Variants in SFMBT2 observed in about 807,000 individuals in gnomAD.
SFMBT2 encodes the protein Scm like with four mbt domains 2.
In SFMBT2, 38 loss-of-function variants were observed where a neutral mutation model predicts 110.1. That is an observed-to-expected ratio of 0.35 (90% CI 0.27 to 0.45). The LOEUF (loss-of-function observed/expected upper bound fraction) is 0.45, where lower values mean the gene tolerates loss of function less well. Among genes scored for constraint, SFMBT2 ranks in the 20% least tolerant of loss-of-function variants. The pLI is 1.00. For missense variants in SFMBT2, 1,011 were observed against 1,094.9 expected, an observed-to-expected ratio of 0.92 and a Z score of 1.08; for synonymous variants, 425 against 425.4, an observed-to-expected ratio of 1.00 and a Z score of 0.01.
rs1846271292 is a variant in SFMBT2 at position 7,408,190 on chromosome 10, C to G, written c.-52+2671G>C. ...CTTCGCAGCACAGAGCCATTTTAGG[C>G]TGCTCCCCACCTCGCGGGGCCCATG... On this transcript the variant is annotated intron_variant, in intron 1 of 20. Coordinates refer to ENST00000397167, the MANE Select transcript of SFMBT2 (RefSeq NM_001387889.1). The surrounding 1 kb of genome is among the most constrained non-coding windows in gnomAD (Gnocchi z 5.7). 1.3e-5 allele frequency among the ~76,000 whole-genome samples: 2 copies of G among 152,370 alleles called. No homozygotes were observed. The highest frequency in any genetic ancestry group is 4.1e-4 in the South Asian group (2 of 4,832).
rs1293429643 is a variant in SFMBT2, at chr10:7,158,754, T to C, written c.*5016A>G. Reference sequence around the variant, plus strand: ...TTTCATTTATTTACATGAAAACATATATACAGAATACAATCTTACAGCAAA... The same window carrying C: ...TTTCATTTATTTACATGAAAACATACATACAGAATACAATCTTACAGCAAA... On this transcript the variant is annotated 3_prime_UTR_variant, in exon 21 of 21. Transcript: ENST00000397167. 6.6e-6 allele frequency: 1 copy of C among 152,162 alleles called. No homozygotes were observed. The highest frequency in any genetic ancestry group is 2.4e-5 in the African/African-American group (1 of 41,438). The allele number at this position is 152,162 out of a possible 1,614,324, so 9.4% of individuals were successfully genotyped here. A position where few individuals can be genotyped will look rare whatever the true frequency, so the allele number is the denominator to read the frequency against.
chr10:7,371,154 T>G (rs1444279484), intron 2 of SFMBT2, among the ~76,000 whole-genome samples: 1 of 152,184 alleles, frequency 6.6e-6, no homozygotes, highest in Non-Finnish European at 1.5e-5. Context: ...GACAGAGTCT[T>G]GCTCTGTCAC....
At chr10:7,351,935 G>C (rs113318121) in intron 4 of SFMBT2, among the ~76,000 whole-genome samples, 16 of 152,134 alleles carry the variant, frequency 1.1e-4, no homozygotes, top group African/African-American at 3.9e-4. Flanking sequence ...AGGTTACAGA[G>C]AGCGTTTGCC....
rs1286303085 is a variant in SFMBT2, at chr10:7,262,023, C to T, written c.871-13374G>A. ...GGTGACAGCGCTGAAGGGCAAGGCCCGGTGGCATGGCCACACCACTGGGCT... is the reference window on the plus strand; with the variant it reads ...GGTGACAGCGCTGAAGGGCAAGGCCTGGTGGCATGGCCACACCACTGGGCT... On this transcript the variant is annotated intron_variant, in intron 7 of 20. Coordinates refer to ENST00000397167, the MANE Select transcript of SFMBT2 (RefSeq NM_001387889.1). 3.9e-5 allele frequency among the ~76,000 whole-genome samples: 6 copies of T among 152,344 alleles called. No homozygotes were observed. The East Asian group carries it at 7.7e-4, about 20-fold the overall frequency.
chr10:7,344,360 G>C (rs1357573147), intron 4 of SFMBT2, among the ~76,000 whole-genome samples: 3 of 152,030 alleles, frequency 2.0e-5, no homozygotes, highest in African/African-American at 2.4e-5. Flanking sequence ...TCCTCATACT[G>C]GTATCCTGAT....
intron 4 of SFMBT2, among the ~76,000 whole-genome samples, chr10:7,360,084 G>A (rs918476291): frequency 6.6e-6 from 1 of 152,202 alleles, no homozygotes; most frequent in Non-Finnish European, 1.5e-5. Context: ...ACCACAGGAG[G>A]TGCACACAAA....
chr10:7,189,083 G>T, intron 15 of SFMBT2: 1 of 844,278 alleles, frequency 1.2e-6, no homozygotes, highest in Non-Finnish European at 1.4e-6. Flanking sequence ...TCTTCAGTTG[G>T]ATAGGCTACT....
chr10:7,175,963 AT>A (rs1412902777), intron 17 of SFMBT2, 26 bp downstream of exon 17: 15 of 1,597,166 alleles, frequency 9.4e-6, no homozygotes, highest in Non-Finnish European at 1.3e-5. Context: ...GGGCTCATGC[AT>A]TTCTTTTTTC....
intron 4 of SFMBT2, among the ~76,000 whole-genome samples, chr10:7,288,479 A>C (rs1842167260): frequency 6.6e-6 from 1 of 152,244 alleles, no homozygotes; most frequent in African/African-American, 2.4e-5. Context: ...GAGGCTGAGC[A>C]TAAAACTGTG....
intron 9 of SFMBT2, among the ~76,000 whole-genome samples, chr10:7,236,962 GT>G (rs1840276863): frequency 6.6e-6 from 1 of 152,176 alleles, no homozygotes; most frequent in African/African-American, 2.4e-5. Context: ...GCCAGTAAGG[GT>G]AGGATGCAGT....
intron 4 of SFMBT2, among the ~76,000 whole-genome samples, chr10:7,362,098 T>A (rs535941700): frequency 6.6e-6 from 1 of 152,324 alleles, no homozygotes; most frequent in East Asian, 1.9e-4. Flanking sequence ...ACGTTTTACA[T>A]TTTGCTCCAC....
chr10:7,326,592 T>A (rs1244186523), intron 4 of SFMBT2, among the ~76,000 whole-genome samples: 1 of 152,252 alleles, frequency 6.6e-6, no homozygotes, highest in Non-Finnish European at 1.5e-5. Flanking sequence ...AGATTATCAG[T>A]AATACAAATA....
intron 9 of SFMBT2, among the ~76,000 whole-genome samples, chr10:7,229,330 C>T (rs371370618): frequency 3.3e-5 from 5 of 152,164 alleles, no homozygotes; most frequent in African/African-American, 1.2e-4. Flanking sequence ...CCTGTAATCC[C>T]AGCACTTTGG....
In SFMBT2 at chr10:7,317,641, CAA is replaced by C. The variant is rs56181512; in HGVS notation, c.437-31689_437-31688del. Among the ~76,000 whole-genome samples, 16 of 92,836 alleles carry C rather than the reference CAA, an allele frequency of 1.7e-4. 1 individual carries two copies. Among genetic ancestry groups the C allele is most frequent in the South Asian group, 1.2e-3 (3 of 2,528 alleles). 60.9% of individuals were successfully genotyped at this position (92,836 alleles called of 152,430 possible). A position where few individuals can be genotyped will look rare whatever the true frequency, so the allele number is the denominator to read the frequency against. Reference sequence around the variant, plus strand: ...GGGCAACAAGAACAAAACTCCGTCTCAAAAAAAAAAAAAAAAAGTACACATCA... The same window carrying C: ...GGGCAACAAGAACAAAACTCCGTCTCAAAAAAAAAAAAAAAGTACACATCA... On this transcript the variant is annotated intron_variant, in intron 4 of 20. Transcript: ENST00000397167.
At chr10:7,175,207 G>A (rs980858014) in intron 17 of SFMBT2, among the ~76,000 whole-genome samples, 8 of 152,210 alleles carry the variant, frequency 5.3e-5, no homozygotes, top group African/African-American at 1.9e-4. Context: ...GAGGGGAGAC[G>A]CAGGAAACTC....
intron 1 of SFMBT2, among the ~76,000 whole-genome samples, chr10:7,392,272 T>C (rs11813397): frequency 0.093 from 14,150 of 152,210 alleles, 759 homozygotes; most frequent in African/African-American, 0.14. Flanking sequence ...CCCAACACTT[T>C]GGGAGGCCGA....
intron 2 of SFMBT2, 128 bp from the exon 3 acceptor site, chr10:7,370,503 C>G: frequency 1.3e-6 from 1 of 796,212 alleles, no homozygotes; most frequent in Admixed American, 2.5e-5. Context: ...AAGGATATTG[C>G]TGAATTTTTT....
chr10:7,315,123 CA>C (rs1842975073), intron 4 of SFMBT2, among the ~76,000 whole-genome samples: 5 of 146,196 alleles, frequency 3.4e-5, no homozygotes, highest in South Asian at 4.3e-4. Flanking sequence ...AGCAAGCAAG[CA>C]AGCCAGCCAA....
At position 7,163,817 on chromosome 10, in the gene SFMBT2, GGTGGCATAACTT is replaced by G. The variant is rs772050344; in HGVS notation, c.2626_2637del (p.Lys876_His879del). The stretch of plus-strand genomic sequence containing the variant: ...AAAGCCACTTTGACTCTCTCGATCT[GGTGGCATAACTT>G]GATGGCAGGCCCCAGCTTCAGCTCC... On this transcript the variant is annotated inframe_deletion, in exon 21 of 21. Coordinates refer to ENST00000397167, the MANE Select transcript of SFMBT2 (RefSeq NM_001387889.1). The surrounding 1 kb of genome is among the most constrained non-coding windows in gnomAD (Gnocchi z 4.8). 6.2e-7 allele frequency: 1 copy of G among 1,614,202 alleles called. No individual in the cohort carries two copies. Among genetic ancestry groups the G allele is most frequent in the Non-Finnish European group, 8.5e-7 (1 of 1,180,034 alleles).
Sources: gnomAD v4.1 joint callset for allele counts (sites outside exome capture counted in the v4.1 genomes callset) on GRCh38, gnomAD v4.1.1 for gene constraint, Gnocchi (gnomAD v3.1) non-coding constraint, MANE v1.5 for transcripts, NCBI Gene and HGNC (gene_info 2026-07-23, HGNC 2026-07-21) for gene names.